The following RP1 variants were observed in gnomAD, a reference collection of about 807,000 sequenced individuals.
The protein encoded by RP1 is oxygen-regulated protein 1.
In RP1, 16 loss-of-function variants were observed where a neutral mutation model predicts 14.8. That is an observed-to-expected ratio of 1.08 (90% CI 0.73 to 1.65). The LOEUF is 1.65. RP1 is among the 40% of genes most tolerant of loss of function. The probability of loss-of-function intolerance (pLI) is 0.00; values close to 1 mark genes in which losing one functional copy is unlikely to be tolerated. For missense variants in RP1, 2,631 were observed against 2,535.0 expected (o/e 1.04, Z -0.81); for synonymous variants, 876 against 883.6 (o/e 0.99, Z 0.15).
intron 24 of RP1, among the ~76,000 whole-genome samples, chr8:54,816,681 T>C (rs1811138681): frequency 6.6e-6 from 1 of 152,220 alleles, no homozygotes; most frequent in Non-Finnish European, 1.5e-5. Flanking sequence ...ATTACTTCCT[T>C]GCCATCCTTC....
intron 25 of RP1, among the ~76,000 whole-genome samples, chr8:54,849,262 T>C (rs1234997081): frequency 6.6e-6 from 1 of 152,128 alleles, no homozygotes; most frequent in Non-Finnish European, 1.5e-5. Flanking sequence ...TTGTATTTTC[T>C]GTTTTTTGTT....
At chr8:54,656,182 C>T (rs751446958) in exon 6 of RP1, 1 of 1,535,464 alleles carries the variant, frequency 6.5e-7, no homozygotes, top group African/African-American at 1.4e-5. Context: ...TCGAGAATTT[C>T]CTCTTTTAAG....
At chr8:54,698,863 G>A (rs1336197527) in intron 12 of RP1, among the ~76,000 whole-genome samples, 1 of 151,894 alleles carries the variant, frequency 6.6e-6, no homozygotes, top group Non-Finnish European at 1.5e-5. Context: ...ATAGGGAGGG[G>A]AACATCACAC....
intron 10 of RP1, chr8:54,679,532 T>C (rs1355032348): frequency 2.0e-6 from 3 of 1,535,700 alleles, no homozygotes; most frequent in Non-Finnish European, 2.6e-6. Context: ...TGGAAAACTC[T>C]TTTATGATGA....
chr8:54,828,995 C>G (rs984724303), intron 24 of RP1, among the ~76,000 whole-genome samples: 4 of 147,864 alleles, frequency 2.7e-5, no homozygotes, highest in African/African-American at 1.0e-4. Context: ...CAGGCTCAAG[C>G]GATTCTCCCG....
At chr8:54,631,993 C>A (rs1339259976), downstream of RP1, among the ~76,000 whole-genome samples, 1 of 152,014 alleles carries the variant, frequency 6.6e-6, no homozygotes, top group Non-Finnish European at 1.5e-5. Context: ...AGGCATGCAC[C>A]ACCACACCTG....
At chr8:54,707,820 G>A (rs1029648012) in intron 15 of RP1, among the ~76,000 whole-genome samples, 5 of 152,194 alleles carry the variant, frequency 3.3e-5, no homozygotes, top group African/African-American at 9.7e-5. Context: ...ACATACACAC[G>A]TGTAGTTAAT....
intron 12 of RP1, among the ~76,000 whole-genome samples, chr8:54,699,005 T>A (rs1404252259): frequency 1.3e-5 from 2 of 152,168 alleles, no homozygotes; most frequent in Non-Finnish European, 2.9e-5. Context: ...ACCTGCACGT[T>A]GTGCACATGT....
intron 15 of RP1, chr8:54,706,713 C>A (rs1192398893): frequency 6.7e-7 from 1 of 1,495,520 alleles, no homozygotes; most frequent in Non-Finnish European, 9.0e-7. Context: ...CAGTTGTAGA[C>A]ATGAGAATAG....
chr8:54,580,659 C>T (rs1480367765), intron 1 of RP1, among the ~76,000 whole-genome samples: 1 of 145,598 alleles, frequency 6.9e-6, no homozygotes, highest in African/African-American at 2.5e-5. Flanking sequence ...TGCTATGTCG[C>T]CCAGGCTGGA....
chr8:54,656,909 A>G (rs1239611929), intron 6 of RP1, among the ~76,000 whole-genome samples: 1 of 151,908 alleles, frequency 6.6e-6, no homozygotes, highest in African/African-American at 2.4e-5. Flanking sequence ...AATTTTCTGA[A>G]TAAATAAATA....
At chr8:54,621,667 C>T (rs1316302876) in intron 2 of RP1, 86 bp downstream of exon 2, 4 of 1,591,890 alleles carry the variant, frequency 2.5e-6, no homozygotes, top group East Asian at 2.2e-5. Context: ...TGGTGGCCCC[C>T]GGGAAGGAAA....
chr8:54,737,881 C>T (rs75953092), intron 18 of RP1, among the ~76,000 whole-genome samples: 4,388 of 152,202 alleles, frequency 0.029, 191 homozygotes, highest in African/African-American at 0.1. Context: ...ATGCAAGTGC[C>T]TGCCTCTTTA....
chr8:54,696,767 AC>A (rs1585615119), intron 12 of RP1: 1 of 722,918 alleles, frequency 1.4e-6, no homozygotes, highest in Non-Finnish European at 2.5e-6. Flanking sequence ...GGTAAAAGTC[AC>A]CCCCCAGAAC....
chr8:54,757,983 A>T (rs1563367810), intron 21 of RP1, among the ~76,000 whole-genome samples: 1 of 152,156 alleles, frequency 6.6e-6, no homozygotes, highest in East Asian at 1.9e-4. Context: ...CCAATAGTTG[A>T]GACAGCATGG....
intron 24 of RP1, among the ~76,000 whole-genome samples, chr8:54,804,272 C>A (rs1364971928): frequency 1.3e-5 from 2 of 151,898 alleles, no homozygotes; most frequent in Non-Finnish European, 2.9e-5. Flanking sequence ...AAAAAGGCAA[C>A]TTCTAAAAGT....
chr8:54,853,742 A>G (rs28417470), intron 26 of RP1, among the ~76,000 whole-genome samples: 2 of 73,196 alleles, frequency 2.7e-5, no homozygotes, highest in African/African-American at 8.3e-5. Context: ...AAAAGAGAGA[A>G]AGAAAGAAAG....
At chr8:54,647,638 T>C (rs761288683) in intron 3 of RP1, among the ~76,000 whole-genome samples, 2 of 152,158 alleles carry the variant, frequency 1.3e-5, no homozygotes, top group Non-Finnish European at 2.9e-5. Context: ...ACTTATTTTA[T>C]GTAATCTTGA....
rs267601951 is a variant in RP1, at chr8:54,626,325, G to A, written c.2443G>A (p.Glu815Lys). ...ATCTAAATATTGCAAAAGTACTTTT[G>A]AAAACAAAAGTTTATTTCATGTATT... ...NESKYCKSTFENKSLFHVFNI... is the reference protein window; with the variant it reads ...NESKYCKSTFKNKSLFHVFNI... Residue 815 changes from glutamate to lysine, a missense_variant, in exon 4 of 4, where the codon GAA becomes AAA. Glu to Lys is a moderately conservative substitution (Grantham distance 56, BLOSUM62 1). Transcript: ENST00000220676. 3.7e-6 allele frequency: 6 copies of A among 1,613,232 alleles called. No individual in the cohort carries two copies. In the East Asian group the frequency reaches 1.3e-4, roughly 36 times the overall value.
Sources: gnomAD v4.1 joint callset for allele counts (sites outside exome capture counted in the v4.1 genomes callset) on GRCh38, gnomAD v4.1.1 for gene constraint, MANE v1.5 for transcripts, NCBI Gene and HGNC (gene_info 2026-07-23, HGNC 2026-07-21) for gene names.